Variants in SPAG17 observed in about 807,000 individuals in gnomAD.
SPAG17 encodes the protein sperm associated antigen 17, also known as sperm-associated antigen 17.
SPAG17 carries 169 observed loss-of-function variants against 273.6 expected under a neutral mutation model. The observed-to-expected ratio is 0.62, with a 90% CI of 0.55 to 0.70. The LOEUF is 0.70. Ranked by LOEUF, SPAG17 falls within the 30% of genes least tolerant of loss-of-function variation. SPAG17 has a pLI of 0.00. For missense variants in SPAG17, 2,557 were observed against 2,627.8 expected (o/e 0.97, Z 0.59); for synonymous variants, 825 against 873.2 (o/e 0.94, Z 0.97).
At chr1:117,979,098 ACCTCAGGTGATCCACCCG>A (rs1181919078) in intron 43 of SPAG17, among the ~76,000 whole-genome samples, 1 of 151,806 alleles carries the variant, frequency 6.6e-6, no homozygotes, top group Non-Finnish European at 1.5e-5. Context: ...CAAACTCTTG[ACCTCAGGTGATCCACCCG>A]CCTCAGCCTT....
intron 7 of SPAG17, among the ~76,000 whole-genome samples, chr1:118,095,105 C>T (rs918233369): frequency 2.0e-5 from 3 of 152,156 alleles, no homozygotes; most frequent in South Asian, 4.1e-4. Flanking sequence ...TTTTTCTGAA[C>T]TTTAATTGCC....
chr1:118,061,280 T>C (rs536790565), intron 18 of SPAG17, among the ~76,000 whole-genome samples: 1 of 152,292 alleles, frequency 6.6e-6, no homozygotes, highest in African/African-American at 2.4e-5. Context: ...TTTTCCACAG[T>C]AGCCAAGATA....
chr1:117,966,589 A>G lies in SPAG17; in HGVS notation c.6532+20T>C, dbSNP rs1571082163. The G allele has an allele frequency of 1.9e-6, 3 of 1,591,508 alleles. No homozygotes were observed. The highest frequency in any genetic ancestry group is 2.6e-6 in the Non-Finnish European group (3 of 1,170,894). Reference sequence around the variant, plus strand: ...TTTCTGCACTATATATGATTACTCAAGTTGAACTTTAAAGGATATTTGCTT... The same window carrying G: ...TTTCTGCACTATATATGATTACTCAGGTTGAACTTTAAAGGATATTTGCTT... On this transcript the variant is annotated intron_variant, in intron 47 of 48. Transcript: ENST00000336338.
At chr1:118,169,676 C>T (rs1287263769) in intron 1 of SPAG17, among the ~76,000 whole-genome samples, 2 of 152,142 alleles carry the variant, frequency 1.3e-5, no homozygotes. Context: ...CCAAATCCTA[C>T]TTAGACCCAG....
At chr1:118,163,309 G>A (rs2102376159) in intron 1 of SPAG17, among the ~76,000 whole-genome samples, 1 of 152,224 alleles carries the variant, frequency 6.6e-6, no homozygotes, top group African/African-American at 2.4e-5. Context: ...CTTAGGAAAA[G>A]CCTCACGAGC....
intron 3 of SPAG17, among the ~76,000 whole-genome samples, chr1:118,137,067 G>C (rs139218327): frequency 5.3e-5 from 8 of 152,190 alleles, no homozygotes; most frequent in East Asian, 1.9e-4. Context: ...AATCCAGATA[G>C]AGCCTGTATC....
intron 3 of SPAG17, 171 bp downstream of exon 3, chr1:118,150,372 T>C (rs1436314933): frequency 1.0e-5 from 4 of 399,684 alleles, no homozygotes; most frequent in African/African-American, 2.1e-5. Context: ...TTTTAAAATT[T>C]TAAAAGGAGG....
In SPAG17 at chr1:118,086,720, A is replaced by G; in HGVS notation, c.1562T>C (p.Leu521Pro). The change falls in exon 12 of 49, where the codon CTC (leucine) becomes CCC (proline). Residue 521 changes from leucine (L) to proline (P), a missense_variant. Physicochemically the swap from Leu to Pro is moderately conservative, Grantham distance 98 (BLOSUM62 -3). Coordinates refer to ENST00000336338, the MANE Select transcript of SPAG17 (RefSeq NM_206996.4). ...GTGTGCATCATGATAGTTCAGTAGG[A>G]GGGGGCCTTTGGGCACTGCTTTGCT... ...NESKAVPKGP[L>P]LLNYHDAHAH... 1 of 1,614,154 alleles carries G rather than the reference A, an allele frequency of 6.2e-7. No homozygotes were observed. Among genetic ancestry groups the G allele is most frequent in the Non-Finnish European group, 8.5e-7 (1 of 1,180,016 alleles).
chr1:118,111,918 G>T (rs1656785237), intron 4 of SPAG17, among the ~76,000 whole-genome samples: 1 of 152,082 alleles, frequency 6.6e-6, no homozygotes, highest in South Asian at 2.1e-4. Flanking sequence ...TTATAGAAAA[G>T]ATATGCTTTC....
In SPAG17 at chr1:117,958,974, A is replaced by G. The variant is rs201344132; in HGVS notation, c.*4825T>C. 3.1e-6 allele frequency: 5 copies of G among 1,614,034 alleles called. No homozygotes were observed. The African/African-American group carries it at 5.3e-5, about 17-fold the overall frequency. Reference sequence around the variant, plus strand: ...GCCAGTGATAGAAAAATTAAGGGAAACAACTATTTCAAAAGTCAGCCAAGT... The same window carrying G: ...GCCAGTGATAGAAAAATTAAGGGAAGCAACTATTTCAAAAGTCAGCCAAGT... On this transcript the variant is annotated intron_variant, in intron 48 of 48. Transcript: ENST00000336338.
chr1:117,987,480 T>C (rs1418957694), intron 40 of SPAG17, among the ~76,000 whole-genome samples: 3 of 152,200 alleles, frequency 2.0e-5, no homozygotes, highest in Non-Finnish European at 4.4e-5. Context: ...AACCAAACCA[T>C]ATAATGCTTA....
intron 37 of SPAG17, 35 bp downstream of exon 37, chr1:117,991,380 T>C (rs1391563768): frequency 1.6e-6 from 2 of 1,236,812 alleles, no homozygotes; most frequent in Non-Finnish European, 1.1e-6. Context: ...ATTGAAACAA[T>C]AGTAAGAACA....
At chr1:118,077,524 C>G (rs541346142) in intron 15 of SPAG17, among the ~76,000 whole-genome samples, 4 of 152,146 alleles carry the variant, frequency 2.6e-5, no homozygotes, top group Non-Finnish European at 4.4e-5. Context: ...GGAAAACTAT[C>G]CAGCTGCTTT....
rs755136638 is a variant in SPAG17, at chr1:118,054,049, C to T, written c.2767G>A (p.Glu923Lys). The change falls in exon 20 of 49, where the codon GAA (glutamate) becomes AAA (lysine). Residue 923 changes from glutamate (E) to lysine (K), a missense_variant. By Grantham distance (56) the Glu-to-Lys change is moderately conservative (BLOSUM62 1). Coordinates refer to ENST00000336338, the MANE Select transcript of SPAG17 (RefSeq NM_206996.4). ...SKTEISDQEK[E>K]KEKEKIPFIL... ...AAAGGAATCTTTTCCTTCTCTTTTTCTTTTTCTTGATCTGATATCTCTGTT... is the reference window on the plus strand; with the variant it reads ...AAAGGAATCTTTTCCTTCTCTTTTTTTTTTTCTTGATCTGATATCTCTGTT... 1.9e-6 allele frequency: 3 copies of T among 1,608,304 alleles called. No individual in the cohort carries two copies. The African/African-American group carries it at 4.0e-5, about 21-fold the overall frequency.
Position 118,055,785 on chromosome 1 carries a change from A to G in SPAG17, c.2670T>C (p.Ala890=). ...TGCTAGCAGAAGTAAGTTTGGCATT[A>G]GCAGAAGATTTCAATTCCAGCTCAG... ...TRAELELKSS[A]NAKLTSASKI... The change falls in exon 19 of 49, where the codon GCT becomes GCC. Residue 890 remains alanine (A), a synonymous_variant. Coordinates refer to ENST00000336338, the MANE Select transcript of SPAG17 (RefSeq NM_206996.4). The G allele has an allele frequency of 6.2e-7, 1 of 1,613,240 alleles. No individual in the cohort carries two copies.
intron 36 of SPAG17, 91 bp downstream of exon 36, chr1:117,992,375 G>T: frequency 1.6e-6 from 2 of 1,267,984 alleles, no homozygotes; most frequent in South Asian, 1.6e-5. Flanking sequence ...AATATTGGTA[G>T]AATTACATAA....
chr1:117,999,776 C>G lies in SPAG17; in HGVS notation c.4777-3033G>C, dbSNP rs1658069302. Among the ~76,000 whole-genome samples, 16 of 152,222 alleles carry G rather than the reference C, an allele frequency of 1.1e-4. No individual in the cohort carries two copies. The South Asian group carries it at 3.3e-3, about 32-fold the overall frequency. On this transcript the variant is annotated intron_variant, in intron 32 of 48. Coordinates refer to ENST00000336338, the MANE Select transcript of SPAG17 (RefSeq NM_206996.4). ...AATTTTCTCCCATTCTGTAGGTTGC[C>G]TGTTCACTCTGATGGTAGTTTCTTT...
At chr1:118,044,081 A>G (rs1557949309) in intron 20 of SPAG17, among the ~76,000 whole-genome samples, 1 of 152,178 alleles carries the variant, frequency 6.6e-6, no homozygotes, top group Non-Finnish European at 1.5e-5. Context: ...CTTTATTATT[A>G]TATGTAAATT....
At chr1:118,048,618 C>T (rs936314086) in intron 20 of SPAG17, among the ~76,000 whole-genome samples, 1 of 152,102 alleles carries the variant, frequency 6.6e-6, no homozygotes, top group Admixed American at 6.5e-5. Flanking sequence ...AAAGGATCAG[C>T]CGGGCGCAGT....
Sources: allele counts gnomAD v4.1 joint callset (sites outside exome capture counted in the v4.1 genomes callset), GRCh38; gene constraint gnomAD v4.1.1; transcripts MANE v1.5; gene names NCBI Gene and HGNC (gene_info 2026-07-23, HGNC 2026-07-21).